Variants in FIG4 observed in about 807,000 individuals in gnomAD.
The protein encoded by FIG4 is FIG4 phosphoinositide 5-phosphatase.
A neutral mutation model predicts 118.6 loss-of-function variants in FIG4; 112 were observed. The observed-to-expected ratio is 0.94, with a 90% CI of 0.81 to 1.11. The LOEUF is 1.11. Among genes scored for constraint, FIG4 ranks in the 50% least tolerant of loss-of-function variants. The pLI is 0.00. For synonymous variants in FIG4, 369 were observed against 381.2 expected, an observed-to-expected ratio of 0.97 and a Z score of 0.37; for missense variants, 969 against 1,111.7, an observed-to-expected ratio of 0.87 and a Z score of 1.83.
At chr6:109,795,676 A>C (rs1034214442) in intron 21 of FIG4, among the ~76,000 whole-genome samples, 20 of 124,028 alleles carry the variant, frequency 1.6e-4, no homozygotes, top group Admixed American at 5.2e-4. Context: ...ATCTCGGCTC[A>C]CTGCAACCTC....
intron 15 of FIG4, among the ~76,000 whole-genome samples, chr6:109,770,168 C>T (rs1485928088): frequency 6.6e-6 from 1 of 152,102 alleles, no homozygotes; most frequent in Non-Finnish European, 1.5e-5. Flanking sequence ...ATAGGTATCT[C>T]TTCAGATGTT....
At chr6:109,726,477 G>A (rs563855291) in intron 3 of FIG4, among the ~76,000 whole-genome samples, 1 of 152,256 alleles carries the variant, frequency 6.6e-6, no homozygotes, top group South Asian at 2.1e-4. Context: ...TTTGGTACCA[G>A]TACCATGCTG....
intron 3 of FIG4, among the ~76,000 whole-genome samples, chr6:109,720,607 C>G (rs188858033): frequency 6.6e-6 from 1 of 152,136 alleles, no homozygotes; most frequent in East Asian, 1.9e-4. Flanking sequence ...TAATACTATC[C>G]AAACTAGTCT....
chr6:109,782,402 T>G (rs1207681903), intron 16 of FIG4, among the ~76,000 whole-genome samples: 1 of 152,238 alleles, frequency 6.6e-6, no homozygotes, highest in African/African-American at 2.4e-5. Context: ...TGGAATCTTT[T>G]AAAAGTGTTG....
At chr6:109,711,975 A>G (rs1775279010) in intron 1 of FIG4, among the ~76,000 whole-genome samples, 1 of 152,094 alleles carries the variant, frequency 6.6e-6, no homozygotes, top group Non-Finnish European at 1.5e-5. Flanking sequence ...TTCCCACAGC[A>G]TGTTTGTCTG....
intron 13 of FIG4, 80 bp from the exon 14 acceptor site, chr6:109,764,933 T>TTTTGTTTTTG: frequency 9.0e-6 from 12 of 1,338,810 alleles, no homozygotes; most frequent in Admixed American, 1.8e-5. Context: ...TTGTTTTTGT[T>TTTTGTTTTTG]TCTTAAAGAA....
chr6:109,799,620 T>TTTCTGAGTAAGAAATCTTACTCAGA (rs1384924842), intron 22 of FIG4, among the ~76,000 whole-genome samples: 1 of 152,260 alleles, frequency 6.6e-6, no homozygotes, highest in Non-Finnish European at 1.5e-5. Context: ...CTTACTCAGT[T>TTTCTGAGTAAGAAATCTTACTCAGA]TTTCTTGAAA....
chr6:109,703,963 C>G (rs1774981073), intron 1 of FIG4, among the ~76,000 whole-genome samples: 1 of 152,138 alleles, frequency 6.6e-6, no homozygotes, highest in Non-Finnish European at 1.5e-5. Context: ...TCTCGTCACT[C>G]TCCCTACTCT....
At chr6:109,696,576 T>G (rs1305474941) in intron 1 of FIG4, among the ~76,000 whole-genome samples, 2 of 152,224 alleles carry the variant, frequency 1.3e-5, no homozygotes, top group Non-Finnish European at 2.9e-5. Flanking sequence ...AGAATGAATT[T>G]CTGTCATTCA....
At chr6:109,774,692 A>G (rs1777567379) in intron 15 of FIG4, among the ~76,000 whole-genome samples, 1 of 152,176 alleles carries the variant, frequency 6.6e-6, no homozygotes, top group African/African-American at 2.4e-5. Flanking sequence ...TAACTAGCGA[A>G]GTTGGATTTT....
At chr6:109,814,286 A>T (rs1332289598) in intron 22 of FIG4, among the ~76,000 whole-genome samples, 1 of 150,132 alleles carries the variant, frequency 6.7e-6, no homozygotes, top group Non-Finnish European at 1.5e-5. Context: ...CCACAAGCAC[A>T]TGCCACCACA....
chr6:109,696,615 TTA>T (rs1774729499), intron 1 of FIG4, among the ~76,000 whole-genome samples: 1 of 152,198 alleles, frequency 6.6e-6, no homozygotes, highest in Non-Finnish European at 1.5e-5. Context: ...CTAGAGGACA[TTA>T]TGTTATATGA....
intron 21 of FIG4, among the ~76,000 whole-genome samples, chr6:109,793,340 A>G (rs575991356): frequency 6.6e-6 from 1 of 152,386 alleles, no homozygotes; most frequent in East Asian, 1.9e-4. Flanking sequence ...CTGAGGAGGA[A>G]AAAGAAAACA....
At chr6:109,715,248 C>T in intron 2 of FIG4, 72 bp downstream of exon 2, 1 of 754,874 alleles carries the variant, frequency 1.3e-6, no homozygotes, top group Non-Finnish European at 2.3e-6. Flanking sequence ...AATATCCTTA[C>T]AGTTTTTAGT....
chr6:109,708,812 A>AT (rs970581812), intron 1 of FIG4, among the ~76,000 whole-genome samples: 4 of 149,360 alleles, frequency 2.7e-5, no homozygotes, highest in East Asian at 2.0e-4. Flanking sequence ...TTTTTTAATG[A>AT]TTTTTTTTCG....
chr6:109,758,695 T>G (rs1333404905), intron 10 of FIG4, among the ~76,000 whole-genome samples: 2 of 152,200 alleles, frequency 1.3e-5, no homozygotes, highest in African/African-American at 2.4e-5. Context: ...GAGAAAATTG[T>G]TGCAATCTCT....
intron 16 of FIG4, 26 bp from the exon 17 acceptor site, chr6:109,784,944 C>A (rs1562682565): frequency 1.3e-5 from 17 of 1,289,400 alleles, no homozygotes; most frequent in Admixed American, 2.0e-5. Flanking sequence ...TTTGGTTCAT[C>A]TTTTTTTTTA....
chr6:109,732,675 A>AT lies in FIG4; in HGVS notation c.490dup (p.Tyr164LeufsTer3). On this transcript the variant is annotated frameshift_variant, in exon 5 of 23. Coordinates refer to ENST00000230124, the MANE Select transcript of FIG4 (RefSeq NM_014845.6). LOFTEE classifies it high-confidence loss of function. ...TTTCAAAATGTGGACCTATCTAGCAATTTTTACTTTAGGTAAGTGTGAGGT... is the reference window on the plus strand; with the variant it reads ...TTTCAAAATGTGGACCTATCTAGCAATTTTTTACTTTAGGTAAGTGTGAGGT... 1 of 1,541,924 alleles carries AT rather than the reference A, an allele frequency of 6.5e-7. No individual in the cohort carries two copies. The highest frequency in any genetic ancestry group is 8.9e-7 in the Non-Finnish European group (1 of 1,122,156).
At chr6:109,742,951 T>A (rs1442138345) in intron 8 of FIG4, among the ~76,000 whole-genome samples, 159 bp from the exon 9 acceptor site, 1 of 152,162 alleles carries the variant, frequency 6.6e-6, no homozygotes, top group Non-Finnish European at 1.5e-5. Context: ...GCTTTTCTAA[T>A]GTGCATATTG....
Sources: allele counts gnomAD v4.1 joint callset (sites outside exome capture counted in the v4.1 genomes callset), GRCh38; gene constraint gnomAD v4.1.1; transcripts MANE v1.5; gene names NCBI Gene and HGNC (gene_info 2026-07-23, HGNC 2026-07-21).